Variants in POLR3B observed in about 807,000 individuals in gnomAD.
POLR3B encodes RNA polymerase III subunit B, also known as DNA-directed RNA polymerase III subunit RPC2.
A neutral mutation model predicts 147.4 loss-of-function variants in POLR3B; 96 were observed. The ratio of observed to expected loss-of-function variants is 0.65; its 90% CI spans 0.55 to 0.77. POLR3B has a LOEUF of 0.77. Ranked by LOEUF, POLR3B falls within the 30% of genes least tolerant of loss-of-function variation. The pLI is 0.00. For missense variants in POLR3B, 1,036 were observed against 1,413.5 expected (o/e 0.73, Z 4.28); for synonymous variants, 461 against 485.9 (o/e 0.95, Z 0.67).
At position 106,504,713 on chromosome 12, in the gene POLR3B, C is replaced by T. The variant is rs974797147; in HGVS notation, c.3272+459C>T. On this transcript the variant is annotated intron_variant, in intron 27 of 27. Transcript: ENST00000228347. This position sits in a 1 kb window ranked among gnomAD's most constrained non-coding sequence, Gnocchi z 4.6. ...ACAGAGCCAAGAGCCAAGACCAAGA[C>T]GACCTGGTACCCTGCCCCCTTGTCT... is the stretch of plus-strand genomic sequence containing the variant. 6.6e-6 allele frequency among the ~76,000 whole-genome samples: 1 copy of T among 152,338 alleles called. No individual in the cohort carries two copies. Among genetic ancestry groups the T allele is most frequent in the South Asian group, 2.1e-4 (1 of 4,824 alleles).
At chr12:106,497,092 T>A in intron 25 of POLR3B, among the ~76,000 whole-genome samples, 174 bp downstream of exon 25, 1 of 151,524 alleles carries the variant, frequency 6.6e-6, no homozygotes, top group East Asian at 1.9e-4. Flanking sequence ...TCGTAAACTT[T>A]TTTTAAAAAC....
At chr12:106,397,711 G>A (rs928972637) in intron 10 of POLR3B, among the ~76,000 whole-genome samples, 8 of 152,010 alleles carry the variant, frequency 5.3e-5, no homozygotes, top group African/African-American at 1.7e-4. Flanking sequence ...GTAGTATTTC[G>A]TTATATGAAT....
chr12:106,463,501 A>G lies in POLR3B; in HGVS notation c.2594A>G (p.Tyr865Cys). The G allele has an allele frequency of 6.2e-7, 1 of 1,613,614 alleles. No individual in the cohort carries two copies. The highest frequency in any genetic ancestry group is 1.1e-5 in the South Asian group (1 of 91,064). Residue 865 changes from tyrosine (Y) to cysteine (C), a missense_variant, in exon 23 of 28, where the codon TAT becomes TGT. This residue lies in a region of POLR3B where 202 missense variants were observed against 272.8 expected (regional missense o/e 0.74). Transcript: ENST00000228347. Reference sequence around the variant, plus strand: ...AGCTACAAAGGAGCAACAGACTCATATATTGAAAAAGTGATGATATCTTCA... The same window carrying G: ...AGCTACAAAGGAGCAACAGACTCATGTATTGAAAAAGTGATGATATCTTCA... Reference protein sequence around the residue: ...PITYKGATDSYIEKVMISSNA... With the variant: ...PITYKGATDSCIEKVMISSNA...
rs1275638374 is a variant in POLR3B, at chr12:106,366,691, A to G, written c.196A>G (p.Thr66Ala). ...GATAATGAAAGCCAATGAAAAGGTTACAAGTGACGCTGACCCTATGTGGTA... is the reference window on the plus strand; with the variant it reads ...GATAATGAAAGCCAATGAAAAGGTTGCAAGTGACGCTGACCCTATGTGGTA... ...KKIMKANEKV[T>A]SDADPMWYLK... Residue 66 changes from threonine (T) to alanine (A), a missense_variant, in exon 4 of 28, where the codon ACA becomes GCA. Transcript: ENST00000228347. 1 of 1,613,866 alleles carries G rather than the reference A, an allele frequency of 6.2e-7. No homozygotes were observed. Among genetic ancestry groups the G allele is most frequent in the South Asian group, 1.1e-5 (1 of 91,088 alleles).
chr12:106,468,632 G>A (rs2038042761), intron 23 of POLR3B, among the ~76,000 whole-genome samples: 1 of 152,130 alleles, frequency 6.6e-6, no homozygotes, highest in African/African-American at 2.4e-5. Context: ...CAGAGATTCT[G>A]GTATGTTGTG....
chr12:106,372,424 G>C (rs1292629721), intron 6 of POLR3B, among the ~76,000 whole-genome samples: 1 of 144,852 alleles, frequency 6.9e-6, no homozygotes, highest in African/African-American at 2.5e-5. Context: ...TGCAACCTCC[G>C]CCCCCCAGGT....
intron 23 of POLR3B, among the ~76,000 whole-genome samples, chr12:106,486,964 A>G: frequency 6.6e-6 from 1 of 152,226 alleles, no homozygotes; most frequent in East Asian, 1.9e-4. Context: ...GCACTTGAAG[A>G]AAATGTTTTG....
At chr12:106,433,092 C>G (rs956427782) in intron 15 of POLR3B, among the ~76,000 whole-genome samples, 17 of 152,156 alleles carry the variant, frequency 1.1e-4, no homozygotes, top group Non-Finnish European at 2.5e-4. Flanking sequence ...TTCCTCTCCC[C>G]CTTCCTCTCA....
chr12:106,409,926 ATTATT>A (rs1201010014), intron 11 of POLR3B, among the ~76,000 whole-genome samples: 1 of 152,138 alleles, frequency 6.6e-6, no homozygotes, highest in Non-Finnish European at 1.5e-5. Flanking sequence ...AACCAGTGCA[ATTATT>A]TTATCAGTTC....
At chr12:106,392,066 C>T (rs1252183949) in intron 9 of POLR3B, among the ~76,000 whole-genome samples, 2 of 152,172 alleles carry the variant, frequency 1.3e-5, no homozygotes, top group African/African-American at 4.8e-5. Context: ...AGCCCTAGTA[C>T]CATATGGAAT....
At chr12:106,424,618 G>T (rs1189605426) in intron 12 of POLR3B, among the ~76,000 whole-genome samples, 3 of 152,048 alleles carry the variant, frequency 2.0e-5, no homozygotes, top group Non-Finnish European at 4.4e-5. Flanking sequence ...ATGCTTGCTA[G>T]ATTTTTTTTT....
chr12:106,406,761 G>T (rs2037157128), intron 11 of POLR3B, among the ~76,000 whole-genome samples: 1 of 152,260 alleles, frequency 6.6e-6, no homozygotes, highest in East Asian at 1.9e-4. Context: ...GGCATGTGGG[G>T]TGTTGGCAAG....
intron 9 of POLR3B, among the ~76,000 whole-genome samples, chr12:106,388,536 T>C (rs938564505): frequency 2.0e-5 from 3 of 152,160 alleles, no homozygotes; most frequent in Admixed American, 6.5e-5. Flanking sequence ...CAGGATGGTC[T>C]TGATCTCCTG....
At position 106,501,412 on chromosome 12, in the gene POLR3B, G is replaced by A. The variant is rs1357327299; in HGVS notation, c.3074G>A (p.Arg1025Gln). The A allele has an allele frequency of 2.5e-6, 4 of 1,610,602 alleles. No homozygotes were observed. Among genetic ancestry groups the A allele is most frequent in the East Asian group, 4.5e-5 (2 of 44,858 alleles). Residue 1025 changes from arginine (R) to glutamine (Q), a missense_variant, in exon 26 of 28, where the codon CGG becomes CAG. By Grantham distance (43) the Arg-to-Gln change is conservative (BLOSUM62 1). Transcript: ENST00000228347. ...CTAGATAAAATGCATGCCCGGGCCCGGGGCCCACGAGCCGTCCTTACCAGG... is the reference window on the plus strand; with the variant it reads ...CTAGATAAAATGCATGCCCGGGCCCAGGGCCCACGAGCCGTCCTTACCAGG... ...MVLDKMHARA[R>Q]GPRAVLTRQP... is the part of the protein sequence containing the mutation.
Position 106,454,449 on chromosome 12 carries a change from T to A in POLR3B, c.2084-53T>A, listed in dbSNP as rs543713740. ...TTTATCTCTATATTCATTACTACCT[T>A]ATTATTTCACATAATAGAATGTTGT... On this transcript the variant is annotated intron_variant, in intron 19 of 27. Transcript: ENST00000228347. 5.7e-6 allele frequency: 5 copies of A among 873,406 alleles called. No homozygotes were observed. The African/African-American group carries it at 8.2e-5, about 14-fold the overall frequency. The allele number at this position is 873,406 out of a possible 1,614,324, so 54.1% of individuals were successfully genotyped here. A position where few individuals can be genotyped will look rare whatever the true frequency, so the allele number is the denominator to read the frequency against.
At chr12:106,457,381 G>A in intron 21 of POLR3B, 85 bp downstream of exon 21, 2 of 1,194,988 alleles carry the variant, frequency 1.7e-6, no homozygotes, top group East Asian at 2.5e-5. Context: ...TGGCAAAAAG[G>A]GCAGAAAAAA....
At chr12:106,387,193 T>C (rs998360477) in intron 9 of POLR3B, among the ~76,000 whole-genome samples, 1 of 152,266 alleles carries the variant, frequency 6.6e-6, no homozygotes, top group Admixed American at 6.5e-5. Context: ...TTTTGTGATA[T>C]ACACATACAT....
At chr12:106,482,888 C>T (rs949162990) in intron 23 of POLR3B, among the ~76,000 whole-genome samples, 2 of 152,170 alleles carry the variant, frequency 1.3e-5, no homozygotes, top group African/African-American at 4.8e-5. Flanking sequence ...GCCAAACTCA[C>T]TACTCCCAGA....
chr12:106,499,361 A>G (rs991947809), intron 25 of POLR3B, among the ~76,000 whole-genome samples: 3 of 152,174 alleles, frequency 2.0e-5, no homozygotes, highest in African/African-American at 4.8e-5. Flanking sequence ...TGGTTAGTCT[A>G]TATCCCAGTC....
Sources: allele counts gnomAD v4.1 joint callset (sites outside exome capture counted in the v4.1 genomes callset), GRCh38; gene constraint gnomAD v4.1.1; regional missense constraint gnomAD v4.1.1; non-coding constraint Gnocchi (gnomAD v3.1); transcripts MANE v1.5; gene names NCBI Gene and HGNC (gene_info 2026-07-23, HGNC 2026-07-21).